The following IQSEC1 variants were observed in gnomAD, a reference collection of about 807,000 sequenced individuals.
IQSEC1 encodes the protein IQ motif and SEC7 domain-containing protein 1.
IQSEC1 carries 31 observed loss-of-function variants against 91.0 expected under a neutral mutation model. That is an observed-to-expected ratio of 0.34 (90% CI 0.26 to 0.46). IQSEC1 has a LOEUF of 0.46. IQSEC1 is among the 20% of genes least tolerant of loss of function. IQSEC1 has a pLI of 1.00. For missense variants in IQSEC1, 1,388 were observed against 1,575.6 expected, an observed-to-expected ratio of 0.88 and a Z score of 2.02; for synonymous variants, 699 against 662.6, an observed-to-expected ratio of 1.05 and a Z score of -0.84.
At chr3:13,131,818 T>C (rs1175305044) in intron 2 of IQSEC1, among the ~76,000 whole-genome samples, 2 of 152,160 alleles carry the variant, frequency 1.3e-5, no homozygotes, top group African/African-American at 4.8e-5. Flanking sequence ...TTCTGTCCCA[T>C]TGGCTTTTTG....
intron 1 of IQSEC1, among the ~76,000 whole-genome samples, chr3:13,237,743 G>A (rs1694957814): frequency 1.3e-5 from 2 of 152,220 alleles, no homozygotes; most frequent in African/African-American, 2.4e-5. Context: ...ATGGGTTGAT[G>A]CCTGCCCTGA....
Position 12,901,021 on chromosome 3 carries a change from T to G in IQSEC1, c.3307A>C (p.Ser1103Arg). Reference protein sequence around the residue: ...QPPAPPPPTSSKAKPSGISTI... With the variant: ...QPPAPPPPTSRKAKPSGISTI... ...CTGATGCCGCTGGGTTTGGCCTTGC[T>G]GCTGGTGGGGGGCGGCGGGGCAGGG... is the stretch of plus-strand genomic sequence containing the variant. Residue 1103 changes from serine to arginine, a missense_variant, in exon 14 of 14, where the codon AGC becomes CGC. Physicochemically the swap from Ser to Arg is moderately radical, Grantham distance 110. Transcript: ENST00000613206. The G allele has an allele frequency of 6.5e-7, 1 of 1,537,220 alleles. No homozygotes were observed. The highest frequency in any genetic ancestry group is 8.7e-7 in the Non-Finnish European group (1 of 1,142,956).
chr3:12,901,280 TG>T lies in IQSEC1; in HGVS notation c.3047del (p.Pro1016GlnfsTer104). The T allele has an allele frequency of 7.4e-7, 1 of 1,344,074 alleles. No homozygotes were observed. The highest frequency in any genetic ancestry group is 9.8e-7 in the Non-Finnish European group (1 of 1,025,482). 83.3% of individuals were successfully genotyped at this position (1,344,074 alleles called of 1,614,324 possible). A position where few individuals can be genotyped will look rare whatever the true frequency, so the allele number is the denominator to read the frequency against. Reference sequence around the variant, plus strand: ...GCATGGCGGCCTGCGGCAGCCCCTCTGGGGGCCCCAGGTGGTGGCCAGCCAC... The same window carrying T: ...GCATGGCGGCCTGCGGCAGCCCCTCTGGGGCCCCAGGTGGTGGCCAGCCAC... ...HSVAGHHLGP[P>X]EGLPQAAMHG... On this transcript the variant is annotated frameshift_variant, in exon 14 of 14. Transcript: ENST00000613206. LOFTEE classifies it low-confidence loss of function (END_TRUNC).
At chr3:12,998,628 T>A (rs553260189) in intron 1 of IQSEC1, among the ~76,000 whole-genome samples, 211 of 151,930 alleles carry the variant, frequency 1.4e-3, no homozygotes, top group African/African-American at 3.7e-3. Context: ...CTTAAAAAAA[T>A]TTTTTTTAAA....
At chr3:13,099,428 A>G (rs921486244) in intron 2 of IQSEC1, among the ~76,000 whole-genome samples, 1 of 152,158 alleles carries the variant, frequency 6.6e-6, no homozygotes, top group Non-Finnish European at 1.5e-5. Context: ...GGCTCAGGCT[A>G]CTTTCGAAAG....
At chr3:12,958,020 C>T (rs529603168) in intron 1 of IQSEC1, among the ~76,000 whole-genome samples, 3 of 152,330 alleles carry the variant, frequency 2.0e-5, no homozygotes, top group Admixed American at 1.3e-4. Flanking sequence ...CCCAAGGCCG[C>T]GTGACTCACA....
intron 1 of IQSEC1, among the ~76,000 whole-genome samples, chr3:13,186,784 T>G (rs151159813): frequency 3.9e-5 from 6 of 152,184 alleles, no homozygotes; most frequent in Non-Finnish European, 8.8e-5. Context: ...CGGCGACCCT[T>G]TGGCAGACCC....
chr3:13,028,948 G>T (rs1047722667), intron 1 of IQSEC1, among the ~76,000 whole-genome samples: 17 of 152,196 alleles, frequency 1.1e-4, no homozygotes. Flanking sequence ...CTCACAAGCC[G>T]TTCCTCACAC....
At chr3:13,143,124 T>C (rs1473391941) in intron 2 of IQSEC1, among the ~76,000 whole-genome samples, 8 of 152,194 alleles carry the variant, frequency 5.3e-5, no homozygotes, top group Non-Finnish European at 1.2e-4. Context: ...GCACTCCCTC[T>C]AGAGTGTCAG....
intron 1 of IQSEC1, among the ~76,000 whole-genome samples, chr3:13,232,008 C>A (rs997866348): frequency 6.6e-6 from 1 of 152,218 alleles, no homozygotes; most frequent in African/African-American, 2.4e-5. Context: ...ACATGCCGGG[C>A]CCCAACCTAG....
chr3:13,090,460 C>A (rs1372431674), intron 2 of IQSEC1, among the ~76,000 whole-genome samples: 3 of 152,184 alleles, frequency 2.0e-5, no homozygotes, highest in African/African-American at 7.2e-5. Flanking sequence ...GTGCTGCTCC[C>A]CAGTGAGTCC....
At chr3:12,918,232 G>A (rs1696293785) in intron 6 of IQSEC1, among the ~76,000 whole-genome samples, 1 of 152,244 alleles carries the variant, frequency 6.6e-6, no homozygotes, top group African/African-American at 2.4e-5. Context: ...GACAGCCCAG[G>A]CTTGGGAGAC....
At chr3:13,032,263 A>G (rs1703869913) in intron 1 of IQSEC1, among the ~76,000 whole-genome samples, 1 of 152,230 alleles carries the variant, frequency 6.6e-6, no homozygotes, top group Non-Finnish European at 1.5e-5. Context: ...ACTACTCTCC[A>G]ATCCTCACAG....
intron 1 of IQSEC1, among the ~76,000 whole-genome samples, chr3:13,230,002 G>A (rs1348230738): frequency 1.3e-5 from 2 of 152,132 alleles, no homozygotes; most frequent in Non-Finnish European, 2.9e-5. Flanking sequence ...GAAATATGAG[G>A]GGACTTCAAG....
At position 12,994,321 on chromosome 3, in the gene IQSEC1, C is replaced by A. The variant is rs1576132619; in HGVS notation, c.24-52456G>T. Among the ~76,000 whole-genome samples, 2 of 151,922 alleles carry A rather than the reference C, an allele frequency of 1.3e-5. No homozygotes were observed. The highest frequency in any genetic ancestry group is 4.8e-5 in the African/African-American group (2 of 41,500). On this transcript the variant is annotated intron_variant, in intron 1 of 13. Coordinates refer to ENST00000613206, the MANE Select transcript of IQSEC1 (RefSeq NM_001134382.3). This position sits in a 1 kb window ranked among gnomAD's most constrained non-coding sequence, Gnocchi z 4.5. ...CCTCGCCGCGCCTGGCCTCAGTTTC[C>A]CCCCTCGGAAGGTGTGTGTGCGTGC... is the stretch of plus-strand genomic sequence containing the variant.
chr3:13,121,758 G>A lies in IQSEC1; in HGVS notation c.302+42346C>T, dbSNP rs533177254. ...AGTTCCAGGACCACAGCAAGGAGGC[G>A]CTCCATGGTCGCTGGAGCAACAGGG... On this transcript the variant is annotated intron_variant, in intron 2 of 15. Transcript: ENST00000648114. Among the ~76,000 whole-genome samples, 11 of 152,334 alleles carry A rather than the reference G, an allele frequency of 7.2e-5. No individual in the cohort carries two copies. In the East Asian group the frequency reaches 7.7e-4, roughly 11 times the overall value.
In IQSEC1 at chr3:13,207,584, A is replaced by C. The variant is rs1372190375; in HGVS notation, c.273-43451T>G. On this transcript the variant is annotated intron_variant, in intron 1 of 15. Transcript: ENST00000648114. The surrounding 1 kb of genome is among the most constrained non-coding windows in gnomAD (Gnocchi z 4.8). ...CGCAGCCCAGTCAAGAGGATTTGGC[A>C]TCATCTGGGTCTGTCTCCTGCCCCA... is the stretch of plus-strand genomic sequence containing the variant. 6.6e-6 allele frequency among the ~76,000 whole-genome samples: 1 copy of C among 152,180 alleles called. No individual in the cohort carries two copies. Among genetic ancestry groups the C allele is most frequent in the African/African-American group, 2.4e-5 (1 of 41,438 alleles).
At chr3:12,961,967 G>A in intron 1 of IQSEC1, among the ~76,000 whole-genome samples, 1 of 152,238 alleles carries the variant, frequency 6.6e-6, no homozygotes, top group East Asian at 1.9e-4. Context: ...TACAGAATCT[G>A]CCTCCCTAAC....
intron 1 of IQSEC1, among the ~76,000 whole-genome samples, chr3:13,054,052 G>C (rs561474703): frequency 6.6e-6 from 1 of 152,248 alleles, no homozygotes; most frequent in East Asian, 1.9e-4. Flanking sequence ...TGTGTTTCTC[G>C]GTCTGGAAGC....
Sources: allele counts gnomAD v4.1 joint callset (sites outside exome capture counted in the v4.1 genomes callset), GRCh38; gene constraint gnomAD v4.1.1; non-coding constraint Gnocchi (gnomAD v3.1); transcripts MANE v1.5; gene names NCBI Gene and HGNC (gene_info 2026-07-23, HGNC 2026-07-21).